RANBP2: variants seen among roughly 807,000 people sequenced by gnomAD.
RANBP2 encodes RAN binding protein 2, also known as E3 SUMO-protein ligase RanBP2.
A neutral mutation model predicts 303.6 loss-of-function variants in RANBP2; 57 were observed. The observed-to-expected ratio is 0.19, with a 90% CI of 0.15 to 0.23. The LOEUF is 0.23. Among genes scored for constraint, RANBP2 ranks in the 10% least tolerant of loss-of-function variants. The probability of loss-of-function intolerance (pLI) is 1.00; values close to 1 mark genes in which losing one functional copy is unlikely to be tolerated. For missense variants in RANBP2, 3,138 were observed against 3,780.8 expected (o/e 0.83, Z 4.46); for synonymous variants, 1,167 against 1,301.5 (o/e 0.90, Z 2.23).
the RANBP2 span, among the ~76,000 whole-genome samples, chr2:108,847,933 C>G: frequency 6.6e-6 from 1 of 152,048 alleles, no homozygotes; most frequent in African/African-American, 2.4e-5. Context: ...AGGTCACTTA[C>G]GAGAAGCAGG....
the RANBP2 span, among the ~76,000 whole-genome samples, chr2:109,245,739 C>G: frequency 1.3e-5 from 2 of 152,180 alleles, no homozygotes; most frequent in Non-Finnish European, 2.9e-5. Flanking sequence ...GAAATTCATT[C>G]TAAGTCATCA....
chr2:109,455,266 G>A, the RANBP2 span, among the ~76,000 whole-genome samples: 3 of 152,168 alleles, frequency 2.0e-5, no homozygotes, highest in African/African-American at 7.2e-5. Context: ...CTTGGGGGGA[G>A]AAAGGGCCCT....
the RANBP2 span, among the ~76,000 whole-genome samples, chr2:109,536,203 C>T: frequency 6.6e-6 from 1 of 152,158 alleles, no homozygotes; most frequent in Non-Finnish European, 1.5e-5. Context: ...GGTAGATCCA[C>T]TAACAGCTTG....
the RANBP2 span, among the ~76,000 whole-genome samples, chr2:109,557,057 A>G: frequency 2.0e-5 from 3 of 152,118 alleles, no homozygotes; most frequent in Non-Finnish European, 4.4e-5. Context: ...GCATTAGGAG[A>G]TATACCTAAT....
the RANBP2 span, among the ~76,000 whole-genome samples, chr2:109,272,774 G>T: frequency 6.6e-6 from 1 of 152,224 alleles, no homozygotes; most frequent in Admixed American, 6.5e-5. Flanking sequence ...CAGCATCAAT[G>T]CATCTCAGTT....
chr2:108,939,977 C>T, the RANBP2 span, among the ~76,000 whole-genome samples: 7 of 152,184 alleles, frequency 4.6e-5, no homozygotes, highest in African/African-American at 1.7e-4. Context: ...TTCTGCTTCA[C>T]AACAAAAGCA....
At chr2:109,410,790 GGCT>G in the RANBP2 span, among the ~76,000 whole-genome samples, 1 of 152,210 alleles carries the variant, frequency 6.6e-6, no homozygotes, top group South Asian at 2.1e-4. Flanking sequence ...CCTGGGCATG[GGCT>G]GCTAGGCGCG....
chr2:108,771,904 TC>T (rs1677529964), intron 21 of RANBP2, 33 bp downstream of exon 21: 1 of 1,612,988 alleles, frequency 6.2e-7, no homozygotes, highest in Non-Finnish European at 8.5e-7. Flanking sequence ...AATCCTCTGT[TC>T]CCGCTAATCT....
At chr2:109,432,793 G>A in the RANBP2 span, 8 of 1,344,054 alleles carry the variant, frequency 6.0e-6, no homozygotes, top group African/African-American at 1.2e-4. Context: ...GGCCACCAGT[G>A]CCCAGGGTTC....
chr2:109,509,195 C>T, the RANBP2 span, among the ~76,000 whole-genome samples: 1 of 152,142 alleles, frequency 6.6e-6, no homozygotes, highest in Non-Finnish European at 1.5e-5. Flanking sequence ...TGAATCCAGG[C>T]AAGAGGACCC....
At chr2:109,652,494 G>A in the RANBP2 span, among the ~76,000 whole-genome samples, 2 of 152,162 alleles carry the variant, frequency 1.3e-5, no homozygotes, top group African/African-American at 2.4e-5. Context: ...CAAAGTGCTA[G>A]GATTACAGGT....
At chr2:109,338,073 T>C in the RANBP2 span, among the ~76,000 whole-genome samples, 1 of 152,136 alleles carries the variant, frequency 6.6e-6, no homozygotes, top group Non-Finnish European at 1.5e-5. Context: ...GTGTGTCATG[T>C]GATGTGGAGA....
chr2:109,581,386 G>A, the RANBP2 span, among the ~76,000 whole-genome samples: 1 of 151,752 alleles, frequency 6.6e-6, no homozygotes, highest in Non-Finnish European at 1.5e-5. Flanking sequence ...GCAGTGAGCC[G>A]AGATTGCGCC....
the RANBP2 span, among the ~76,000 whole-genome samples, chr2:109,641,387 A>T: frequency 6.6e-6 from 1 of 152,236 alleles, no homozygotes; most frequent in Non-Finnish European, 1.5e-5. Flanking sequence ...TGTGGTCCAT[A>T]CACACAATGG....
chr2:109,357,106 A>G, the RANBP2 span, among the ~76,000 whole-genome samples: 1 of 150,880 alleles, frequency 6.6e-6, no homozygotes, highest in South Asian at 2.1e-4. Context: ...ATACTTATAC[A>G]TAACATATCA....
At chr2:109,597,494 A>T in the RANBP2 span, among the ~76,000 whole-genome samples, 2 of 152,242 alleles carry the variant, frequency 1.3e-5, no homozygotes, top group African/African-American at 4.8e-5. Context: ...TCAGAGAAAC[A>T]TGAATGCACA....
chr2:109,139,584 T>C, the RANBP2 span, among the ~76,000 whole-genome samples: 1 of 152,208 alleles, frequency 6.6e-6, no homozygotes, highest in Middle Eastern at 3.2e-3. Context: ...ATGTGTTCCT[T>C]ATGGAATTGG....
the RANBP2 span, among the ~76,000 whole-genome samples, chr2:109,091,274 G>C: frequency 2.6e-5 from 4 of 151,934 alleles, no homozygotes; most frequent in Non-Finnish European, 4.4e-5. Flanking sequence ...AATAAAAATA[G>C]ATTAATCTTG....
chr2:109,717,104 A>G, the RANBP2 span, among the ~76,000 whole-genome samples: 3 of 152,250 alleles, frequency 2.0e-5, no homozygotes, highest in Non-Finnish European at 4.4e-5. Flanking sequence ...CTGTATTCAC[A>G]GATGACATGA....
Sources: gnomAD v4.1 joint callset for allele counts (sites outside exome capture counted in the v4.1 genomes callset) on GRCh38, gnomAD v4.1.1 for gene constraint, MANE v1.5 for transcripts, NCBI Gene and HGNC (gene_info 2026-07-23, HGNC 2026-07-21) for gene names.